Variants in DOCK3 observed in about 807,000 individuals in gnomAD.
DOCK3 encodes the protein dedicator of cytokinesis protein 3.
Under a neutral mutation model 265.6 loss-of-function variants are expected in DOCK3, and 60 were observed. That is an observed-to-expected ratio of 0.23 (90% CI 0.18 to 0.28). The LOEUF (loss-of-function observed/expected upper bound fraction) is 0.28, where lower values mean the gene tolerates loss of function less well. DOCK3 is among the 10% of genes least tolerant of loss of function. The pLI is 1.00. For missense variants in DOCK3, 1,981 were observed against 2,594.3 expected, an observed-to-expected ratio of 0.76 and a Z score of 5.14; for synonymous variants, 881 against 938.0, an observed-to-expected ratio of 0.94 and a Z score of 1.11.
intron 4 of DOCK3, among the ~76,000 whole-genome samples, chr3:50,901,995 T>TA (rs1472069488): frequency 6.6e-6 from 1 of 152,112 alleles, no homozygotes; most frequent in Non-Finnish European, 1.5e-5. Context: ...CAGGCCCCAG[T>TA]ATGTGTTGTT....
chr3:51,065,094 A>C (rs542011162), intron 6 of DOCK3, among the ~76,000 whole-genome samples: 4 of 152,306 alleles, frequency 2.6e-5, no homozygotes, highest in African/African-American at 9.6e-5. Context: ...TGTAATAACT[A>C]TGATTTGCTA....
chr3:50,950,534 C>T (rs1453914450), intron 5 of DOCK3, among the ~76,000 whole-genome samples: 1 of 147,372 alleles, frequency 6.8e-6, no homozygotes, highest in African/African-American at 2.5e-5. Flanking sequence ...CAGTAGTGCT[C>T]ATTTGCAGTT....
rs1382244342 is a variant in DOCK3 at position 51,310,248 on chromosome 3, T to C, written c.2939T>C (p.Ile980Thr). 1 of 1,601,996 alleles carries C rather than the reference T, an allele frequency of 6.2e-7. No individual in the cohort carries two copies. The highest frequency in any genetic ancestry group is 1.1e-5 in the South Asian group (1 of 88,362). ...KDELKEFLLK[I>T]FCVFRNLMKM... Reference sequence around the variant, plus strand: ...TGCTGTCAGGAATTTCTGCTGAAGATTTTTTGCGTGTTCCGGAACCTGATG... The same window carrying C: ...TGCTGTCAGGAATTTCTGCTGAAGACTTTTTGCGTGTTCCGGAACCTGATG... The change falls in exon 28 of 53, where the codon ATT becomes ACT. Residue 980 changes from isoleucine to threonine, a missense_variant. Physicochemically the swap from Ile to Thr is moderately conservative, Grantham distance 89 (BLOSUM62 -1). Coordinates refer to ENST00000266037, the MANE Select transcript of DOCK3 (RefSeq NM_004947.5).
chr3:51,036,417 A>G (rs2080265956), intron 5 of DOCK3, among the ~76,000 whole-genome samples: 1 of 152,198 alleles, frequency 6.6e-6, no homozygotes. Context: ...AGAGATCAAA[A>G]TATTCATTGC....
intron 33 of DOCK3, 137 bp from the exon 34 acceptor site, chr3:51,332,864 G>C: frequency 9.8e-7 from 1 of 1,023,022 alleles, no homozygotes; most frequent in Non-Finnish European, 1.5e-6. Context: ...TGCCTAAGGT[G>C]GCTGGAGCCG....
At chr3:51,375,034 T>A (rs1054528467) in intron 50 of DOCK3, among the ~76,000 whole-genome samples, 4 of 152,206 alleles carry the variant, frequency 2.6e-5, no homozygotes, top group African/African-American at 9.6e-5. Flanking sequence ...AGTCCCTCAC[T>A]ACCTGCTGGG....
At chr3:50,806,833 A>G (rs754945207) in intron 2 of DOCK3, among the ~76,000 whole-genome samples, 1 of 152,100 alleles carries the variant, frequency 6.6e-6, no homozygotes. Flanking sequence ...AGCTTGGCTC[A>G]CAAGGGGTGG....
chr3:51,012,981 A>G (rs879433378), intron 5 of DOCK3, among the ~76,000 whole-genome samples: 1 of 152,114 alleles, frequency 6.6e-6, no homozygotes, highest in Non-Finnish European at 1.5e-5. Context: ...TTCTCGTGCC[A>G]TGGTTTTCAG....
chr3:51,238,510 T>C (rs1452450915), intron 21 of DOCK3, among the ~76,000 whole-genome samples: 1 of 152,042 alleles, frequency 6.6e-6, no homozygotes, highest in Non-Finnish European at 1.5e-5. Context: ...GTTATATAGG[T>C]AAATTTGTGT....
chr3:50,893,848 T>A (rs2048759736), intron 4 of DOCK3, among the ~76,000 whole-genome samples: 1 of 151,682 alleles, frequency 6.6e-6, no homozygotes, highest in Admixed American at 6.6e-5. Context: ...CTGGAAGCCA[T>A]CATTCTCAGC....
At chr3:51,000,273 A>AT (rs773986482) in intron 5 of DOCK3, among the ~76,000 whole-genome samples, 3 of 152,206 alleles carry the variant, frequency 2.0e-5, no homozygotes, top group African/African-American at 4.8e-5. Flanking sequence ...TTTTCAGCCT[A>AT]TGTCCAAATT....
chr3:50,981,610 A>G (rs974950762), intron 5 of DOCK3, among the ~76,000 whole-genome samples: 3 of 152,190 alleles, frequency 2.0e-5, no homozygotes, highest in Non-Finnish European at 4.4e-5. Flanking sequence ...TTTGCTTTAT[A>G]CATCTGAGTG....
chr3:51,367,735 C>A (rs1162433800), intron 49 of DOCK3, among the ~76,000 whole-genome samples: 1 of 152,156 alleles, frequency 6.6e-6, no homozygotes, highest in Non-Finnish European at 1.5e-5. Context: ...GATTTTATTT[C>A]TCCTTCACTT....
chr3:50,777,019 G>A (rs747752768), intron 1 of DOCK3, among the ~76,000 whole-genome samples: 3 of 152,128 alleles, frequency 2.0e-5, no homozygotes, highest in Non-Finnish European at 4.4e-5. Context: ...AGCGAAACAG[G>A]TTTCCCCTTA....
At chr3:50,819,021 G>C (rs75008251) in intron 2 of DOCK3, among the ~76,000 whole-genome samples, 2,907 of 152,060 alleles carry the variant, frequency 0.019, 94 homozygotes, top group African/African-American at 0.067. Context: ...GATATTATTT[G>C]TTTTTTAAAA....
At chr3:50,737,703 C>G (rs548449109) in intron 1 of DOCK3, among the ~76,000 whole-genome samples, 1 of 152,112 alleles carries the variant, frequency 6.6e-6, no homozygotes, top group African/African-American at 2.4e-5. Context: ...AGTGTGCTCC[C>G]TATGGAATTC....
intron 2 of DOCK3, 45 bp downstream of exon 2, chr3:50,778,803 C>A (rs1452961882): frequency 7.4e-7 from 1 of 1,359,314 alleles, no homozygotes; most frequent in Non-Finnish European, 1.0e-6. Context: ...TCATTTTTGG[C>A]AGTATTATAT....
Position 51,348,914 on chromosome 3 carries a change from T to C in DOCK3, c.3978T>C (p.Asp1326=), listed in dbSNP as rs1424227087. 5 of 1,579,746 alleles carry C rather than the reference T, an allele frequency of 3.2e-6. No homozygotes were observed. The highest frequency in any genetic ancestry group is 4.3e-6 in the Non-Finnish European group (5 of 1,162,704). ...ELACQYESLY[D]YQSLSWIRKM... ...CGTGTCAGTACGAGAGCCTCTATGA[T>C]TACCAGAGCCTCAGCTGGATTCGGG... The change falls in exon 39 of 53, where the codon GAT becomes GAC. Residue 1326 remains aspartate, a synonymous_variant. Coordinates refer to ENST00000266037, the MANE Select transcript of DOCK3 (RefSeq NM_004947.5).
At chr3:50,991,533 A>G (rs1320074808) in intron 5 of DOCK3, among the ~76,000 whole-genome samples, 6 of 152,244 alleles carry the variant, frequency 3.9e-5, no homozygotes, top group Admixed American at 3.9e-4. Context: ...CGACAAGAAG[A>G]CTTAATTATC....
Sources: gnomAD v4.1 joint callset for allele counts (sites outside exome capture counted in the v4.1 genomes callset) on GRCh38, gnomAD v4.1.1 for gene constraint, MANE v1.5 for transcripts, NCBI Gene and HGNC (gene_info 2026-07-23, HGNC 2026-07-21) for gene names.